Variants in MINAR2 observed in about 807,000 individuals in gnomAD.
MINAR2 encodes membrane integral NOTCH2 associated receptor 2, also known as major intrinsically disordered NOTCH2-binding receptor 1-like.
A neutral mutation model predicts 16.1 loss-of-function variants in MINAR2; 21 were observed. That is an observed-to-expected ratio of 1.31 (90% CI 0.93 to 1.88). The LOEUF is 1.88. MINAR2 is among the 40% of genes most tolerant of loss of function. MINAR2 has a pLI of 0.00. For synonymous variants in MINAR2, 86 were observed against 83.0 expected, an observed-to-expected ratio of 1.04 and a Z score of -0.20; for missense variants, 259 against 229.8, an observed-to-expected ratio of 1.13 and a Z score of -0.82.
chr5:129,748,832 TAGAAAAC>T (rs778184914), intron 1 of MINAR2, among the ~76,000 whole-genome samples: 5 of 152,106 alleles, frequency 3.3e-5, no homozygotes, highest in Non-Finnish European at 7.4e-5. Context: ...ACAGAAGACT[TAGAAAAC>T]AGAACAATGG....
intron 1 of MINAR2, among the ~76,000 whole-genome samples, chr5:129,756,377 T>C (rs539030869): frequency 2.6e-5 from 4 of 152,138 alleles, no homozygotes; most frequent in East Asian, 1.9e-4. Context: ...TTTGGTTACA[T>C]AAGTAAGTTC....
At chr5:129,752,488 G>A (rs1334399296) in intron 1 of MINAR2, among the ~76,000 whole-genome samples, 1 of 152,068 alleles carries the variant, frequency 6.6e-6, no homozygotes, top group African/African-American at 2.4e-5. Flanking sequence ...AACCAAACAC[G>A]GCATGTTCTC....
At chr5:129,755,391 G>A (rs1241497338) in intron 1 of MINAR2, among the ~76,000 whole-genome samples, 3 of 151,980 alleles carry the variant, frequency 2.0e-5, no homozygotes, top group Non-Finnish European at 4.4e-5. Context: ...GGAAGAATTT[G>A]ACTAATAAAT....
At chr5:129,759,468 T>C (rs1177900901) in intron 1 of MINAR2, among the ~76,000 whole-genome samples, 4 of 152,116 alleles carry the variant, frequency 2.6e-5, no homozygotes, top group African/African-American at 9.7e-5. Context: ...TCTACCTTCA[T>C]GATAGCTTGA....
Position 129,748,105 on chromosome 5 carries a change from G to C in MINAR2, c.-86G>C, listed in dbSNP as rs971149875. On this transcript the variant is annotated 5_prime_UTR_variant, in exon 1 of 3. Coordinates refer to ENST00000564719, the MANE Select transcript of MINAR2 (RefSeq NM_001257308.2). Reference sequence around the variant, plus strand: ...AGAGACTTGGTTTCAGATGCAGTCAGAGCATCCTCAGGCACATTAATAATG... The same window carrying C: ...AGAGACTTGGTTTCAGATGCAGTCACAGCATCCTCAGGCACATTAATAATG... 7.7e-7 allele frequency: 1 copy of C among 1,290,386 alleles called. No individual in the cohort carries two copies. The highest frequency in any genetic ancestry group is 1.5e-5 in the African/African-American group (1 of 67,620). 79.9% of individuals were successfully genotyped at this position (1,290,386 alleles called of 1,614,324 possible). A position where few individuals can be genotyped will look rare whatever the true frequency, so the allele number is the denominator to read the frequency against.
chr5:129,764,809 G>C (rs1388372857), intron 2 of MINAR2, 75 bp from the exon 3 acceptor site: 4 of 806,760 alleles, frequency 5.0e-6, no homozygotes, highest in African/African-American at 3.6e-5. Context: ...ACAGTGTCTT[G>C]TTCTGCAATC....
intron 2 of MINAR2, chr5:129,762,795 G>A: frequency 5.7e-6 from 1 of 175,270 alleles, no homozygotes. Context: ...TAGGAAGGGG[G>A]CACAAATCAC....
rs183101346 is a variant in MINAR2, at chr5:129,752,026, C to A, written c.165+3671C>A. ...GCAAATCAAAACCACAATGAGATACCATCTCATGCCAGTTAGAATGGTGTT... is the reference window on the plus strand; with the variant it reads ...GCAAATCAAAACCACAATGAGATACAATCTCATGCCAGTTAGAATGGTGTT... On this transcript the variant is annotated intron_variant, in intron 1 of 2. Coordinates refer to ENST00000564719, the MANE Select transcript of MINAR2 (RefSeq NM_001257308.2). Among the ~76,000 whole-genome samples the A allele has an allele frequency of 4.4e-3, 666 of 152,202 alleles. 2 individuals are homozygous for A. Among genetic ancestry groups the A allele is most frequent in the Non-Finnish European group, 7.6e-3 (514 of 68,006 alleles).
chr5:129,762,527 C>A, intron 2 of MINAR2: 2 of 310,676 alleles, frequency 6.4e-6, no homozygotes, highest in Non-Finnish European at 1.3e-5. Flanking sequence ...CTTCATTCTC[C>A]GTCCTAGGAA....
At chr5:129,755,044 A>C (rs1758037830) in intron 1 of MINAR2, among the ~76,000 whole-genome samples, 1 of 152,094 alleles carries the variant, frequency 6.6e-6, no homozygotes, top group African/African-American at 2.4e-5. Flanking sequence ...GTTCACTAAG[A>C]GTGTTTGCTT....
intron 1 of MINAR2, among the ~76,000 whole-genome samples, chr5:129,754,506 A>G (rs987088933): frequency 6.6e-6 from 1 of 152,222 alleles, no homozygotes; most frequent in Non-Finnish European, 1.5e-5. Flanking sequence ...AAATCTTTAT[A>G]TGACCTTGAT....
chr5:129,763,785 A>C (rs572414161), intron 2 of MINAR2, among the ~76,000 whole-genome samples: 1 of 152,318 alleles, frequency 6.6e-6, no homozygotes, highest in African/African-American at 2.4e-5. Context: ...CTATTAATAC[A>C]TGCATGCACA....
chr5:129,753,597 C>G (rs748533093), intron 1 of MINAR2, among the ~76,000 whole-genome samples: 3 of 150,986 alleles, frequency 2.0e-5, no homozygotes, highest in Non-Finnish European at 4.4e-5. Context: ...ACTAAAGATA[C>G]AAAAAATTAG....
Position 129,748,335 on chromosome 5 carries a change from CA to C in MINAR2, c.149del (p.Asn50ThrfsTer39). 3 of 1,535,018 alleles carry C rather than the reference CA, an allele frequency of 2.0e-6. No homozygotes were observed. The highest frequency in any genetic ancestry group is 2.6e-6 in the Non-Finnish European group (3 of 1,146,480). On this transcript the variant is annotated frameshift_variant, in exon 1 of 3. Coordinates refer to ENST00000564719, the MANE Select transcript of MINAR2 (RefSeq NM_001257308.2). LOFTEE classifies it high-confidence loss of function. The part of the protein sequence containing the change: ...GGNYPAAQHW[Q>X]NLVYSQREKK... ...AAATTATCCTGCTGCACAACACTGG[CA>C]AAACCTTGTCTACTCACAGGTAAGA...
intron 2 of MINAR2, 102 bp downstream of exon 2, chr5:129,760,707 G>T (rs550435891): frequency 5.9e-6 from 5 of 841,942 alleles, no homozygotes; most frequent in African/African-American, 1.7e-5. Flanking sequence ...TTCACTAGGC[G>T]CAGAATCTCT....
intron 1 of MINAR2, among the ~76,000 whole-genome samples, chr5:129,758,251 T>C (rs1314204571): frequency 6.6e-6 from 1 of 152,006 alleles, no homozygotes; most frequent in Non-Finnish European, 1.5e-5. Context: ...TCTTGTGCAG[T>C]ACAGTGAAGG....
At chr5:129,756,860 A>T (rs1333056676) in intron 1 of MINAR2, among the ~76,000 whole-genome samples, 1 of 147,738 alleles carries the variant, frequency 6.8e-6, no homozygotes, top group Non-Finnish European at 1.5e-5. Flanking sequence ...GTCTCCAAGG[A>T]TCTTGCCAGG....
chr5:129,760,477 A>C lies in MINAR2; in HGVS notation c.265A>C (p.Lys89Gln). Residue 89 changes from lysine to glutamine, a missense_variant, in exon 2 of 3, where the codon AAG becomes CAG. Transcript: ENST00000564719. ...SPPPSMSSVM[K>Q]NNPLYGDLSL... ...CCCACCATCCATGTCATCAGTTATGAAGAATAACCCACTCTATGGTGACCT... is the reference window on the plus strand; with the variant it reads ...CCCACCATCCATGTCATCAGTTATGCAGAATAACCCACTCTATGGTGACCT... 6.5e-7 allele frequency: 1 copy of C among 1,535,856 alleles called. No homozygotes were observed.
chr5:129,761,380 T>C (rs1030445148), intron 2 of MINAR2, among the ~76,000 whole-genome samples: 1 of 152,172 alleles, frequency 6.6e-6, no homozygotes, highest in Non-Finnish European at 1.5e-5. Flanking sequence ...CATTTAAAAA[T>C]GTTTATCTAA....
Sources: gnomAD v4.1 joint callset for allele counts (sites outside exome capture counted in the v4.1 genomes callset) on GRCh38, gnomAD v4.1.1 for gene constraint, MANE v1.5 for transcripts, NCBI Gene and HGNC (gene_info 2026-07-23, HGNC 2026-07-21) for gene names.